FTCDNL1: variants seen among roughly 807,000 people sequenced by gnomAD.
FTCDNL1 encodes the protein formiminotransferase N-terminal subdomain-containing protein.
Under a neutral mutation model 5.9 loss-of-function variants are expected in FTCDNL1, and 11 were observed. The observed-to-expected ratio is 1.87, with a 90% CI of 1.18 to 3.10. The LOEUF is 3.10. Ranked by LOEUF, FTCDNL1 falls within the 30% of genes most tolerant of loss-of-function variation. The pLI, the probability that FTCDNL1 is intolerant of heterozygous loss-of-function variation, is 0.00. For synonymous variants in FTCDNL1, 58 were observed against 24.8 expected (o/e 2.34, Z -3.99); for missense variants, 115 against 65.5 (o/e 1.76, Z -2.61).
intron 3 of FTCDNL1, among the ~76,000 whole-genome samples, chr2:199,777,663 G>T (rs11695200): frequency 0.54 from 82,443 of 151,576 alleles, 23,171 homozygotes; most frequent in East Asian, 0.64. Context: ...ACATTAACCA[G>T]CACATTCACA....
intron 4 of FTCDNL1, among the ~76,000 whole-genome samples, chr2:199,815,877 G>A (rs1439313617): frequency 1.3e-5 from 2 of 152,018 alleles, no homozygotes; most frequent in Admixed American, 6.6e-5. Context: ...GCACGTGCCT[G>A]TAGTCCCAGC....
chr2:199,834,999 C>A (rs1702627481), intron 3 of FTCDNL1, among the ~76,000 whole-genome samples: 1 of 151,950 alleles, frequency 6.6e-6, no homozygotes, highest in South Asian at 2.1e-4. Context: ...CATAGCAAGA[C>A]CCTGTCTCTA....
the FTCDNL1 span, among the ~76,000 whole-genome samples, chr2:199,715,353 G>T: frequency 6.6e-6 from 1 of 152,126 alleles, no homozygotes; most frequent in African/African-American, 2.4e-5. Flanking sequence ...GACCCAGTGG[G>T]AGGTAATTGA....
At chr2:199,790,286 T>C (rs1367493409) in intron 3 of FTCDNL1, among the ~76,000 whole-genome samples, 1 of 151,844 alleles carries the variant, frequency 6.6e-6, no homozygotes, top group Non-Finnish European at 1.5e-5. Flanking sequence ...TCACCTGAGG[T>C]TGGGAGTTCG....
chr2:199,696,168 G>A, the FTCDNL1 span, among the ~76,000 whole-genome samples: 17,856 of 152,104 alleles, frequency 0.12, 1,345 homozygotes, highest in Middle Eastern at 0.23. Flanking sequence ...TGCACATGCC[G>A]CCACCCTGCC....
the FTCDNL1 span, among the ~76,000 whole-genome samples, chr2:199,689,665 A>T: frequency 0.073 from 11,039 of 152,006 alleles, 1,373 homozygotes; most frequent in African/African-American, 0.25. Flanking sequence ...TACTCCCTCA[A>T]CCAACAATTA....
the FTCDNL1 span, among the ~76,000 whole-genome samples, chr2:199,697,325 T>G: frequency 6.6e-6 from 1 of 151,716 alleles, no homozygotes; most frequent in East Asian, 1.9e-4. Context: ...AGACACATAG[T>G]GATCAGATTT....
the FTCDNL1 span, among the ~76,000 whole-genome samples, chr2:199,742,114 T>A: frequency 2.1e-5 from 3 of 140,630 alleles, no homozygotes; most frequent in South Asian, 2.4e-4. Context: ...TTTTTTTTTT[T>A]AAATACACTG....
chr2:199,794,094 A>C (rs1035951073), intron 3 of FTCDNL1, among the ~76,000 whole-genome samples: 7 of 152,224 alleles, frequency 4.6e-5, no homozygotes, highest in Non-Finnish European at 8.8e-5. Flanking sequence ...ATCATTGAAA[A>C]TACAGATACG....
At chr2:199,670,130 T>C in the FTCDNL1 span, among the ~76,000 whole-genome samples, 1,703 of 152,328 alleles carry the variant, frequency 0.011, 36 homozygotes, top group African/African-American at 0.039. Flanking sequence ...ACTGTTTTCC[T>C]TTTTTGAGAC....
Position 199,810,299 on chromosome 2 carries a change from T to C in FTCDNL1, c.*2406A>G, listed in dbSNP as rs1700965381. Among the ~76,000 whole-genome samples the C allele has an allele frequency of 6.6e-6, 1 of 152,116 alleles. No individual in the cohort carries two copies. The highest frequency in any genetic ancestry group is 1.5e-5 in the Non-Finnish European group (1 of 68,010). ...TAGGTTAATATCAGATTAAAATGAA[T>C]CTCAAAACCAGTCTTAATTAGGGAA... On this transcript the variant is annotated 3_prime_UTR_variant, in exon 5 of 5. Coordinates refer to ENST00000420128, the MANE Select transcript of FTCDNL1 (RefSeq NM_001363886.2).
intron 4 of FTCDNL1, among the ~76,000 whole-genome samples, chr2:199,813,649 A>T (rs1362255647): frequency 6.6e-6 from 1 of 152,202 alleles, no homozygotes; most frequent in Non-Finnish European, 1.5e-5. Context: ...GCGGTGGATC[A>T]TACCTATAAT....
rs1701098233 is a variant in FTCDNL1 at position 199,812,597 on chromosome 2, A to T, written c.*108T>A. The T allele has an allele frequency of 4.0e-6, 2 of 502,752 alleles. No individual in the cohort carries two copies. The highest frequency in any genetic ancestry group is 7.1e-6 in the Non-Finnish European group (2 of 281,860). The allele number at this position is 502,752 out of a possible 1,614,324, so 31.1% of individuals were successfully genotyped here. On this transcript the variant is annotated 3_prime_UTR_variant, in exon 5 of 5. Coordinates refer to ENST00000420128, the MANE Select transcript of FTCDNL1 (RefSeq NM_001363886.2). ...TGTGAAAGTTTGTTTCTCAGTTTGC[A>T]GTTTCGCTCCACTCCCGCCTCCCGC...
chr2:199,756,174 T>C, downstream of FTCDNL1, among the ~76,000 whole-genome samples: 1 of 152,204 alleles, frequency 6.6e-6, no homozygotes, highest in East Asian at 1.9e-4. Context: ...ACATGAACAG[T>C]AGTGCAGGTA....
At chr2:199,832,723 T>A (rs1439563832) in intron 3 of FTCDNL1, among the ~76,000 whole-genome samples, 1 of 152,054 alleles carries the variant, frequency 6.6e-6, no homozygotes, top group Non-Finnish European at 1.5e-5. Flanking sequence ...CTCCAACTGC[T>A]CTGTACCCCC....
chr2:199,667,076 G>A, the FTCDNL1 span, among the ~76,000 whole-genome samples: 2 of 152,036 alleles, frequency 1.3e-5, no homozygotes, highest in South Asian at 2.1e-4. Flanking sequence ...CAACCTAAGT[G>A]CCACTCTGAA....
rs1376127205 is a variant in FTCDNL1, at chr2:199,819,527, A to T, written c.397+45T>A. ...GGCTCATAAAGGGGACCTCAAGTTT[A>T]AAAAAAAAAAAAAAACAGAGCAAAG... On this transcript the variant is annotated intron_variant, in intron 4 of 4. Transcript: ENST00000420128. 14 of 165,292 alleles carry T rather than the reference A, an allele frequency of 8.5e-5. No individual in the cohort carries two copies. In the Admixed American group the frequency reaches 8.7e-4, roughly 10 times the overall value. 10.2% of individuals were successfully genotyped at this position (165,292 alleles called of 1,614,324 possible).
the FTCDNL1 span, among the ~76,000 whole-genome samples, chr2:199,684,152 G>A: frequency 6.6e-6 from 1 of 152,214 alleles, no homozygotes; most frequent in Non-Finnish European, 1.5e-5. Flanking sequence ...TTGTTCCCAT[G>A]TGAACCCAAA....
chr2:199,730,893 T>G, the FTCDNL1 span, among the ~76,000 whole-genome samples: 4 of 152,214 alleles, frequency 2.6e-5, no homozygotes, highest in Non-Finnish European at 4.4e-5. Context: ...CACATGCACA[T>G]GTATGTTTAT....
Sources: allele counts gnomAD v4.1 joint callset (sites outside exome capture counted in the v4.1 genomes callset), GRCh38; gene constraint gnomAD v4.1.1; transcripts MANE v1.5; gene names NCBI Gene and HGNC (gene_info 2026-07-23, HGNC 2026-07-21).